The following GRXCR2 variants were observed in gnomAD, a reference collection of about 807,000 sequenced individuals.
GRXCR2 encodes the protein glutaredoxin domain-containing cysteine-rich protein 2.
A neutral mutation model predicts 24.8 loss-of-function variants in GRXCR2; 23 were observed. That is an observed-to-expected ratio of 0.93 (90% confidence interval 0.67 to 1.32). GRXCR2 has a LOEUF of 1.32. Ranked by LOEUF, GRXCR2 falls within the 40% of genes most tolerant of loss-of-function variation. GRXCR2 has a pLI of 0.00. For synonymous variants in GRXCR2, 130 were observed against 116.1 expected (o/e 1.12, Z -0.77); for missense variants, 315 against 303.4 (o/e 1.04, Z -0.28).
chr5:145,924,099 A>G lies in GRXCR2; in HGVS notation c.-70+11602T>C, dbSNP rs1010444366. ...GGAATGGTTGAGTTTGGAGAGTGGC[A>G]TGGAGAGATGAACTGCCCATGATCT... On this transcript the variant is annotated intron_variant, in intron 2 of 3. Transcript: ENST00000639411. Among the ~76,000 whole-genome samples, 7 of 152,082 alleles carry G rather than the reference A, an allele frequency of 4.6e-5. No homozygotes were observed. In the South Asian group the frequency reaches 1.2e-3, roughly 27 times the overall value.
At chr5:145,879,690 C>T (rs1478223298) in intron 2 of GRXCR2, among the ~76,000 whole-genome samples, 1 of 152,178 alleles carries the variant, frequency 6.6e-6, no homozygotes, top group African/African-American at 2.4e-5. Flanking sequence ...CTCAGCTCTG[C>T]ACCAAGCGGG....
intron 2 of GRXCR2, among the ~76,000 whole-genome samples, chr5:145,881,667 T>C (rs1404184010): frequency 6.6e-6 from 1 of 152,166 alleles, no homozygotes; most frequent in Non-Finnish European, 1.5e-5. Context: ...TGGAAAAAAC[T>C]ACTTTAAAGT....
At chr5:145,871,939 A>G (rs546879976) in intron 1 of GRXCR2, among the ~76,000 whole-genome samples, 57 of 152,352 alleles carry the variant, frequency 3.7e-4, no homozygotes, top group African/African-American at 1.3e-3. Context: ...TATGTTTTCC[A>G]GGTTCTACCT....
At chr5:145,870,385 A>G (rs1452287592) in intron 1 of GRXCR2, among the ~76,000 whole-genome samples, 1 of 152,154 alleles carries the variant, frequency 6.6e-6, no homozygotes, top group African/African-American at 2.4e-5. Context: ...TTCAAGGGTC[A>G]ACCACATTGT....
At chr5:145,860,440 A>G (rs976776456) in intron 2 of GRXCR2, among the ~76,000 whole-genome samples, 1 of 152,202 alleles carries the variant, frequency 6.6e-6, no homozygotes, top group African/African-American at 2.4e-5. Flanking sequence ...AGCTTGAAAA[A>G]GGAAGAGGTG....
chr5:145,883,126 C>A (rs1167127719), intron 2 of GRXCR2, among the ~76,000 whole-genome samples: 2 of 151,466 alleles, frequency 1.3e-5, no homozygotes, highest in East Asian at 3.9e-4. Context: ...ACATATGTAT[C>A]AAACCTGCAT....
At chr5:145,917,614 G>C (rs1757260039) in intron 2 of GRXCR2, among the ~76,000 whole-genome samples, 1 of 152,062 alleles carries the variant, frequency 6.6e-6, no homozygotes, top group South Asian at 2.1e-4. Context: ...CAGAGGTGTG[G>C]AGCAGGGAGC....
chr5:145,916,719 G>A (rs1422153175), intron 2 of GRXCR2, among the ~76,000 whole-genome samples: 1 of 152,094 alleles, frequency 6.6e-6, no homozygotes, highest in Admixed American at 6.5e-5. Flanking sequence ...TCAAATTAAG[G>A]TGACTTCCTA....
intron 1 of GRXCR2, among the ~76,000 whole-genome samples, 163 bp downstream of exon 1, chr5:145,872,470 C>G (rs1407986954): frequency 3.9e-5 from 6 of 152,042 alleles, no homozygotes; most frequent in African/African-American, 1.4e-4. Context: ...TTATTTTTAC[C>G]CCAGAAATAT....
At chr5:145,898,827 C>A (rs116281863) in intron 2 of GRXCR2, among the ~76,000 whole-genome samples, 5,191 of 152,058 alleles carry the variant, frequency 0.034, 230 homozygotes, top group African/African-American at 0.11. Flanking sequence ...ACTAAATAGG[C>A]AGAAACTGGA....
chr5:145,885,938 G>C (rs918326562), intron 2 of GRXCR2, among the ~76,000 whole-genome samples: 3 of 152,230 alleles, frequency 2.0e-5, no homozygotes, highest in African/African-American at 7.2e-5. Flanking sequence ...CCGAAGTGCA[G>C]AGAGGTTAAG....
At chr5:145,888,703 C>G (rs889800005) in intron 2 of GRXCR2, among the ~76,000 whole-genome samples, 3 of 152,040 alleles carry the variant, frequency 2.0e-5, no homozygotes, top group African/African-American at 7.2e-5. Flanking sequence ...TACTATAAAT[C>G]TAGAATATGT....
At chr5:145,864,598 T>TA (rs1294757980) in intron 2 of GRXCR2, among the ~76,000 whole-genome samples, 1 of 152,118 alleles carries the variant, frequency 6.6e-6, no homozygotes, top group Non-Finnish European at 1.5e-5. Flanking sequence ...CTGGTGGTTT[T>TA]AAAGCATGGC....
At chr5:145,901,769 C>T (rs748159677) in intron 2 of GRXCR2, among the ~76,000 whole-genome samples, 1 of 151,902 alleles carries the variant, frequency 6.6e-6, no homozygotes, top group Non-Finnish European at 1.5e-5. Context: ...GGCCCTGTAG[C>T]GGGAATGTAA....
intron 2 of GRXCR2, among the ~76,000 whole-genome samples, chr5:145,905,556 T>C (rs2149923805): frequency 1.3e-5 from 2 of 152,292 alleles, no homozygotes; most frequent in Middle Eastern, 6.8e-3. Flanking sequence ...GAAATTGGTA[T>C]TTACATATAT....
intron 2 of GRXCR2, among the ~76,000 whole-genome samples, chr5:145,905,081 C>G (rs1011901650): frequency 1.4e-4 from 21 of 152,164 alleles, no homozygotes; most frequent in African/African-American, 4.8e-4. Context: ...GAGGGAACGA[C>G]CCAAGAGAGT....
rs1173858497 is a variant in GRXCR2 at position 145,873,004 on chromosome 5, G to A, written c.-36C>T. The A allele has an allele frequency of 7.0e-6, 11 of 1,566,936 alleles. No individual in the cohort carries two copies. The highest frequency in any genetic ancestry group is 2.7e-5 in the African/African-American group (2 of 73,638). Reference sequence around the variant, plus strand: ...TTGACCCTGTGGTCTCCAGCCTTCCGTGCAGCCGGTGAAACTTGGGCCTCT... The same window carrying A: ...TTGACCCTGTGGTCTCCAGCCTTCCATGCAGCCGGTGAAACTTGGGCCTCT... On this transcript the variant is annotated 5_prime_UTR_variant, in exon 1 of 3. In the 5' UTR this introduces an upstream ATG that the reference lacks. Coordinates refer to ENST00000377976, the MANE Select transcript of GRXCR2 (RefSeq NM_001080516.2).
downstream of GRXCR2, among the ~76,000 whole-genome samples, chr5:145,858,003 C>T (rs1400353962): frequency 2.6e-5 from 4 of 152,048 alleles, no homozygotes; most frequent in African/African-American, 4.8e-5. Flanking sequence ...ATATTTGTGA[C>T]GGAATATTCC....
At chr5:145,860,353 G>A (rs1479589217) in intron 2 of GRXCR2, among the ~76,000 whole-genome samples, 1 of 152,174 alleles carries the variant, frequency 6.6e-6, no homozygotes, top group African/African-American at 2.4e-5. Flanking sequence ...CAGTGAGATA[G>A]TGTAAGTATT....
Sources: gnomAD v4.1 joint callset for allele counts (sites outside exome capture counted in the v4.1 genomes callset) on GRCh38, gnomAD v4.1.1 for gene constraint, MANE v1.5 for transcripts, NCBI Gene and HGNC (gene_info 2026-07-23, HGNC 2026-07-21) for gene names.